BTBD16: variants seen among roughly 807,000 people sequenced by gnomAD.
The protein encoded by BTBD16 is BTB/POZ domain-containing protein 16.
BTBD16 carries 66 observed loss-of-function variants against 67.4 expected under a neutral mutation model. The observed-to-expected ratio is 0.98, with a 90% CI of 0.80 to 1.20. The LOEUF is 1.20. BTBD16 is among the 50% of genes most tolerant of loss of function. The pLI is 0.00. For synonymous variants in BTBD16, 242 were observed against 236.4 expected, an observed-to-expected ratio of 1.02 and a Z score of -0.22; for missense variants, 634 against 616.0, an observed-to-expected ratio of 1.03 and a Z score of -0.31.
At chr10:122,282,113 T>A (rs1652999753) in intron 3 of BTBD16, among the ~76,000 whole-genome samples, 1 of 152,222 alleles carries the variant, frequency 6.6e-6, no homozygotes, top group African/African-American at 2.4e-5. Context: ...TGTGCTCACC[T>A]CTGTTTCCCG....
chr10:122,289,783 A>G, intron 5 of BTBD16, 126 bp from the exon 6 acceptor site: 1 of 568,686 alleles, frequency 1.8e-6, no homozygotes, highest in Non-Finnish European at 3.1e-6. Context: ...CATCTATGAA[A>G]CAAATAAAAT....
intron 9 of BTBD16, among the ~76,000 whole-genome samples, chr10:122,304,808 C>T (rs898455378): frequency 1.3e-5 from 2 of 152,126 alleles, no homozygotes; most frequent in African/African-American, 4.8e-5. Context: ...CCGCCTCGGC[C>T]TCCCAAAGTG....
chr10:122,297,121 C>T (rs1478737941), intron 7 of BTBD16, among the ~76,000 whole-genome samples: 1 of 152,230 alleles, frequency 6.6e-6, no homozygotes, highest in East Asian at 1.9e-4. Context: ...TGTTCTTTAA[C>T]TTTTTAACCC....
At chr10:122,280,518 T>C (rs1468798341) in intron 3 of BTBD16, among the ~76,000 whole-genome samples, 1 of 152,016 alleles carries the variant, frequency 6.6e-6, no homozygotes, top group African/African-American at 2.4e-5. Flanking sequence ...GAGGAGGTCA[T>C]GCTTAAGAGG....
At position 122,336,554 on chromosome 10, in the gene BTBD16, C is replaced by G. The variant is rs775355244; in HGVS notation, c.1324C>G (p.Leu442Val). 3.7e-6 allele frequency: 6 copies of G among 1,612,442 alleles called. No individual in the cohort carries two copies. Among genetic ancestry groups the G allele is most frequent in the Non-Finnish European group, 5.1e-6 (6 of 1,179,554 alleles). The change falls in exon 15 of 16, where the codon CTG becomes GTG. Residue 442 changes from leucine (L) to valine (V), a missense_variant. By Grantham distance (32) the Leu-to-Val change is conservative. Transcript: ENST00000260723. ...GGTCTACGAGCACAACCACGTCAGC[C>G]TGCGAGCGGCACGCCTGGTGAAGTA... The part of the protein sequence containing the change: ...SAVYEHNHVS[L>V]RAARLVKYEI...
chr10:122,297,440 G>T (rs573188382), intron 7 of BTBD16, among the ~76,000 whole-genome samples: 1 of 152,348 alleles, frequency 6.6e-6, no homozygotes, highest in African/African-American at 2.4e-5. Context: ...GCAGGGGGAT[G>T]ACCAGATGGC....
chr10:122,299,557 A>T (rs1324763385), intron 9 of BTBD16, among the ~76,000 whole-genome samples: 1 of 147,834 alleles, frequency 6.8e-6, no homozygotes, highest in East Asian at 2.0e-4. Flanking sequence ...CGCCTGCTTG[A>T]CCTCTCTGAC....
chr10:122,327,645 G>T, intron 10 of BTBD16: 1 of 985,354 alleles, frequency 1.0e-6, no homozygotes, highest in Non-Finnish European at 1.2e-6. Context: ...GGGCATCATT[G>T]CCACTTCCCA....
At position 122,312,696 on chromosome 10, in the gene BTBD16, G is replaced by T. The variant is rs1400571498; in HGVS notation, c.911+5388G>T. On this transcript the variant is annotated intron_variant, in intron 10 of 15. Transcript: ENST00000260723. The stretch of plus-strand genomic sequence containing the variant: ...TTTACATTCCCCTGCTAATGAGGTT[G>T]AGCATTTCTTTATATATTTGTTAGC... Among the ~76,000 whole-genome samples the T allele has an allele frequency of 2.0e-5, 3 of 152,120 alleles. No homozygotes were observed. In the East Asian group the frequency reaches 5.8e-4, roughly 29 times the overall value.
At chr10:122,290,040 A>T (rs1169690822) in intron 6 of BTBD16, 42 bp downstream of exon 6, 1 of 1,327,318 alleles carries the variant, frequency 7.5e-7, no homozygotes, top group South Asian at 1.2e-5. Context: ...GCCATTGAAC[A>T]AATGGTCCTC....
intron 7 of BTBD16, among the ~76,000 whole-genome samples, chr10:122,293,731 T>C (rs1050888000): frequency 1.3e-5 from 2 of 152,222 alleles, no homozygotes; most frequent in Admixed American, 1.3e-4. Context: ...TATGAAATCA[T>C]AGCTCCTTTC....
chr10:122,313,532 G>A (rs1003203037), intron 10 of BTBD16, among the ~76,000 whole-genome samples: 14 of 152,088 alleles, frequency 9.2e-5, no homozygotes, highest in African/African-American at 3.1e-4. Flanking sequence ...CAAAGTGCTG[G>A]GATTACAGGC....
At chr10:122,303,697 C>T (rs2096398316) in intron 9 of BTBD16, 1 of 882,138 alleles carries the variant, frequency 1.1e-6, no homozygotes, top group Non-Finnish European at 1.4e-6. Flanking sequence ...ATTTTTTTCC[C>T]CTAAAGAACA....
intron 11 of BTBD16, among the ~76,000 whole-genome samples, chr10:122,330,326 T>TA (rs1469114112): frequency 1.3e-5 from 2 of 151,992 alleles, no homozygotes; most frequent in African/African-American, 2.4e-5. Context: ...TAGAGAAAAG[T>TA]TTGGGGAAAA....
rs560796779 is a variant in BTBD16 at position 122,325,509 on chromosome 10, C to T, written c.912-3971C>T. Among the ~76,000 whole-genome samples the T allele has an allele frequency of 5.7e-4, 86 of 152,054 alleles. 1 individual carries two copies. Among genetic ancestry groups the T allele is most frequent in the Admixed American group, 5.6e-3 (86 of 15,270 alleles). ...CACCAGGACTGATGGGTAGGTCAGC[C>T]CTGACTCAAAGAAAAGGCCCAGGAC... is the stretch of plus-strand genomic sequence containing the variant. On this transcript the variant is annotated intron_variant, in intron 10 of 15. Coordinates refer to ENST00000260723, the MANE Select transcript of BTBD16 (RefSeq NM_144587.5).
At chr10:122,317,596 G>A (rs1218763650) in intron 10 of BTBD16, among the ~76,000 whole-genome samples, 5 of 151,986 alleles carry the variant, frequency 3.3e-5, no homozygotes, top group Non-Finnish European at 5.9e-5. Context: ...GCAGTGAGCC[G>A]AGATCGCACC....
At chr10:122,312,900 A>G (rs1419750421) in intron 10 of BTBD16, among the ~76,000 whole-genome samples, 2 of 151,788 alleles carry the variant, frequency 1.3e-5, no homozygotes, top group East Asian at 3.9e-4. Context: ...TGTTGTTGAG[A>G]GAGTCTCACT....
chr10:122,318,315 C>CA (rs1180045390), intron 10 of BTBD16, among the ~76,000 whole-genome samples: 1 of 152,112 alleles, frequency 6.6e-6, no homozygotes, highest in African/African-American at 2.4e-5. Context: ...TTGCATGTAT[C>CA]AGTAGGTCTT....
At chr10:122,334,446 C>T (rs539698057) in intron 13 of BTBD16, among the ~76,000 whole-genome samples, 1 of 144,478 alleles carries the variant, frequency 6.9e-6, no homozygotes, top group South Asian at 2.3e-4. Context: ...CGGCCCGCCT[C>T]AGCCTCCCAA....
Sources: gnomAD v4.1 joint callset for allele counts (sites outside exome capture counted in the v4.1 genomes callset) on GRCh38, gnomAD v4.1.1 for gene constraint, MANE v1.5 for transcripts, NCBI Gene and HGNC (gene_info 2026-07-23, HGNC 2026-07-21) for gene names.